KCNJ6: variants seen among roughly 807,000 people sequenced by gnomAD.
KCNJ6 encodes the protein potassium inwardly rectifying channel subfamily J member 6, also known as G protein-activated inward rectifier potassium channel 2.
In KCNJ6, 9 loss-of-function variants were observed where a neutral mutation model predicts 34.2. That is an observed-to-expected ratio of 0.26 (90% CI 0.16 to 0.46). The LOEUF (loss-of-function observed/expected upper bound fraction) is 0.46, where lower values mean the gene tolerates loss of function less well. Among genes scored for constraint, KCNJ6 ranks in the 20% least tolerant of loss-of-function variants. The probability of loss-of-function intolerance (pLI) is 1.00; values close to 1 mark genes in which losing one functional copy is unlikely to be tolerated. For missense variants in KCNJ6, 236 were observed against 531.3 expected, an observed-to-expected ratio of 0.44 and a Z score of 5.46; for synonymous variants, 196 against 207.1, an observed-to-expected ratio of 0.95 and a Z score of 0.46.
intron 3 of KCNJ6, among the ~76,000 whole-genome samples, chr21:37,691,566 G>A (rs1321816339): frequency 2.0e-5 from 3 of 152,160 alleles, no homozygotes; most frequent in South Asian, 2.1e-4. Context: ...GAGGTGTCCC[G>A]TATCTTCCTG....
intron 1 of KCNJ6, among the ~76,000 whole-genome samples, chr21:37,901,240 G>A (rs980214436): frequency 6.6e-6 from 1 of 152,230 alleles, no homozygotes; most frequent in African/African-American, 2.4e-5. Context: ...TTGCTTTGTA[G>A]AAAGGTTAAA....
At chr21:37,864,096 C>A (rs1026860635) in intron 1 of KCNJ6, among the ~76,000 whole-genome samples, 2 of 144,462 alleles carry the variant, frequency 1.4e-5, no homozygotes, top group African/African-American at 5.1e-5. Context: ...AAGGAATATG[C>A]AATTCTCCAA....
chr21:37,661,544 A>G (rs1472605169), intron 3 of KCNJ6, among the ~76,000 whole-genome samples: 1 of 150,818 alleles, frequency 6.6e-6, no homozygotes, highest in East Asian at 2.0e-4. Context: ...TTAGACTACC[A>G]GTAAGTCATA....
At chr21:37,915,261 C>T (rs571143251) in intron 1 of KCNJ6, among the ~76,000 whole-genome samples, 1 of 152,256 alleles carries the variant, frequency 6.6e-6, no homozygotes, top group African/African-American at 2.4e-5. Context: ...GTTTTTTCTT[C>T]CCTTCCAATT....
chr21:37,883,496 T>C (rs1205059894), intron 1 of KCNJ6, among the ~76,000 whole-genome samples: 1 of 152,164 alleles, frequency 6.6e-6, no homozygotes, highest in African/African-American at 2.4e-5. Flanking sequence ...GAGCTTGTCA[T>C]CTGATGGTCT....
intron 2 of KCNJ6, among the ~76,000 whole-genome samples, chr21:37,758,137 T>C (rs2055040614): frequency 6.6e-6 from 1 of 150,774 alleles, no homozygotes; most frequent in Non-Finnish European, 1.5e-5. Context: ...TTCCTCTTTG[T>C]GCTCCTAGGC....
At chr21:37,763,918 T>C (rs970156252) in intron 2 of KCNJ6, among the ~76,000 whole-genome samples, 1 of 152,196 alleles carries the variant, frequency 6.6e-6, no homozygotes, top group Admixed American at 6.5e-5. Flanking sequence ...AACCTGCATG[T>C]TGTGCACATG....
Position 37,624,098 on chromosome 21 carries a change from A to T in KCNJ6, c.*1061T>A, listed in dbSNP as rs2054300306. 6.6e-6 allele frequency: 1 copy of T among 152,252 alleles called. No individual in the cohort carries two copies. The highest frequency in any genetic ancestry group is 1.5e-5 in the Non-Finnish European group (1 of 68,042). 9.4% of individuals were successfully genotyped at this position (152,252 alleles called of 1,614,324 possible). ...ACTACAAAGGGCAAGAGCTCATGTG[A>T]AAAGTAAAAACATACCTTTGGTGAC... On this transcript the variant is annotated 3_prime_UTR_variant, in exon 4 of 4. Coordinates refer to ENST00000609713, the MANE Select transcript of KCNJ6 (RefSeq NM_002240.5).
chr21:37,750,105 G>C (rs930033044), intron 2 of KCNJ6, among the ~76,000 whole-genome samples: 1 of 152,132 alleles, frequency 6.6e-6, no homozygotes, highest in African/African-American at 2.4e-5. Flanking sequence ...AGACATTTAT[G>C]CAGCCAACAA....
At chr21:37,822,826 T>C (rs1052918766) in intron 2 of KCNJ6, among the ~76,000 whole-genome samples, 1 of 152,218 alleles carries the variant, frequency 6.6e-6, no homozygotes, top group Non-Finnish European at 1.5e-5. Context: ...TTGGGTCTTA[T>C]ATGACAGCTC....
intron 2 of KCNJ6, among the ~76,000 whole-genome samples, chr21:37,782,267 A>G (rs2055173034): frequency 6.6e-6 from 1 of 152,234 alleles, no homozygotes; most frequent in Non-Finnish European, 1.5e-5. Context: ...TGCTGGCCCT[A>G]CTGACACCTT....
chr21:37,875,308 A>G (rs554226962), intron 1 of KCNJ6, among the ~76,000 whole-genome samples: 21 of 152,324 alleles, frequency 1.4e-4, no homozygotes, highest in East Asian at 1.2e-3. Context: ...CAGTTGGCCT[A>G]TTCCCTCTCT....
At chr21:37,669,577 T>TTTTGTG (rs1556016701) in intron 3 of KCNJ6, among the ~76,000 whole-genome samples, 1 of 149,078 alleles carries the variant, frequency 6.7e-6, no homozygotes, top group South Asian at 2.1e-4. Context: ...TCTGTGTGTG[T>TTTTGTG]TGTGTGTGTG....
chr21:37,900,363 T>A (rs1030646564), intron 1 of KCNJ6, among the ~76,000 whole-genome samples: 2 of 152,156 alleles, frequency 1.3e-5, no homozygotes, highest in Non-Finnish European at 2.9e-5. Flanking sequence ...GCCACCACAA[T>A]GATAGTCTAT....
intron 1 of KCNJ6, among the ~76,000 whole-genome samples, chr21:37,851,742 A>AT (rs201274621): frequency 0.027 from 4,005 of 149,344 alleles, 75 homozygotes; most frequent in Middle Eastern, 0.052. Flanking sequence ...ATGCAGATTG[A>AT]TTTTTTTTTT....
chr21:37,650,711 G>T (rs1040108732), intron 3 of KCNJ6, among the ~76,000 whole-genome samples: 1 of 152,182 alleles, frequency 6.6e-6, no homozygotes, highest in African/African-American at 2.4e-5. Context: ...GACAATTTTT[G>T]AGGTTTCATT....
intron 2 of KCNJ6, among the ~76,000 whole-genome samples, chr21:37,816,699 A>G (rs900608258): frequency 6.6e-6 from 1 of 152,176 alleles, no homozygotes; most frequent in Admixed American, 6.5e-5. Context: ...GAGAAGGAAC[A>G]TAGAGACGTG....
In KCNJ6 at chr21:37,619,719, G is replaced by GC. The variant is rs1369649684; in HGVS notation, c.*5439dup. 2.0e-5 allele frequency: 3 copies of GC among 152,268 alleles called. No individual in the cohort carries two copies. Among genetic ancestry groups the GC allele is most frequent in the Admixed American group, 2.0e-4 (3 of 15,286 alleles). The allele number at this position is 152,268 out of a possible 1,614,324, so 9.4% of individuals were successfully genotyped here. A position where few individuals can be genotyped will look rare whatever the true frequency, so the allele number is the denominator to read the frequency against. ...AGGAGCGAGGCGGGTTTGATGTGTGGCAACCACTGCAGGTCTGGGCTGCTT... is the reference window on the plus strand; with the variant it reads ...AGGAGCGAGGCGGGTTTGATGTGTGGCCAACCACTGCAGGTCTGGGCTGCTT... On this transcript the variant is annotated 3_prime_UTR_variant, in exon 4 of 4. Transcript: ENST00000609713.
intron 3 of KCNJ6, among the ~76,000 whole-genome samples, chr21:37,713,443 A>G (rs567507678): frequency 6.6e-6 from 1 of 152,312 alleles, no homozygotes; most frequent in South Asian, 2.1e-4. Flanking sequence ...GATGTTACAT[A>G]CAAACATGGG....
Sources: allele counts gnomAD v4.1 joint callset (sites outside exome capture counted in the v4.1 genomes callset), GRCh38; gene constraint gnomAD v4.1.1; transcripts MANE v1.5; gene names NCBI Gene and HGNC (gene_info 2026-07-23, HGNC 2026-07-21).